Variants in C8orf34 observed in about 807,000 individuals in gnomAD.
The protein encoded by C8orf34 is chromosome 8 open reading frame 34.
A neutral mutation model predicts 68.3 loss-of-function variants in C8orf34; 65 were observed. The observed-to-expected ratio is 0.95, with a 90% CI of 0.78 to 1.17. C8orf34 has a LOEUF of 1.17. C8orf34 is among the 50% of genes most tolerant of loss of function. The pLI is 0.00. For missense variants in C8orf34, 664 were observed against 655.4 expected, an observed-to-expected ratio of 1.01 and a Z score of -0.14; for synonymous variants, 244 against 241.2, an observed-to-expected ratio of 1.01 and a Z score of -0.11.
At chr8:68,778,278 T>C (rs1277974269) in intron 11 of C8orf34, among the ~76,000 whole-genome samples, 5 of 152,212 alleles carry the variant, frequency 3.3e-5, no homozygotes, top group African/African-American at 1.2e-4. Flanking sequence ...ATAGTATTTA[T>C]AAATGTTAGA....
chr8:68,805,876 CTTTATAT>C lies in C8orf34; in HGVS notation c.1550-10004_1550-9998del, dbSNP rs1032076913. ...TACTATATTACCAACTTACTTTATA[CTTTATAT>C]TTTATTTTCTCCACTATATTATGTT... On this transcript the variant is annotated intron_variant, in intron 12 of 13. Coordinates refer to ENST00000518698, the MANE Select transcript of C8orf34 (RefSeq NM_052958.4). 1.2e-4 allele frequency among the ~76,000 whole-genome samples: 19 copies of C among 152,080 alleles called. No individual in the cohort carries two copies. The East Asian group carries it at 3.7e-3, about 29-fold the overall frequency.
rs1330443804 is a variant in C8orf34, at chr8:68,535,542, G to A, written c.1105+2393G>A. ...AAAAATCCTTTTAGTTGAACTAGTA[G>A]AAGTTAGTAATAACTATTGACTCTT... is the stretch of plus-strand genomic sequence containing the variant. On this transcript the variant is annotated intron_variant, in intron 7 of 13. Transcript: ENST00000518698. 7.8e-6 allele frequency: 7 copies of A among 895,180 alleles called. No homozygotes were observed. The African/African-American group carries it at 1.3e-4, about 16-fold the overall frequency. 55.5% of individuals were successfully genotyped at this position (895,180 alleles called of 1,614,324 possible). A position where few individuals can be genotyped will look rare whatever the true frequency, so the allele number is the denominator to read the frequency against.
intron 3 of C8orf34, among the ~76,000 whole-genome samples, chr8:68,453,493 T>C (rs1239198196): frequency 6.6e-6 from 1 of 152,046 alleles, no homozygotes; most frequent in African/African-American, 2.4e-5. Context: ...GGCATGTCCT[T>C]GGTTAAATTT....
At chr8:68,643,405 T>C (rs562899691) in intron 8 of C8orf34, among the ~76,000 whole-genome samples, 1 of 152,322 alleles carries the variant, frequency 6.6e-6, no homozygotes, top group South Asian at 2.1e-4. Context: ...TGTGTCCACA[T>C]AATGCTTTGA....
intron 7 of C8orf34, among the ~76,000 whole-genome samples, chr8:68,592,593 C>CTTTTT (rs1444802100): frequency 1.7e-5 from 2 of 116,802 alleles, no homozygotes; most frequent in African/African-American, 3.3e-5. Context: ...CAATTTATCT[C>CTTTTT]TTCTTTTTTT....
chr8:68,498,928 CT>C (rs1563487919), intron 5 of C8orf34, among the ~76,000 whole-genome samples: 2 of 152,098 alleles, frequency 1.3e-5, no homozygotes, highest in Non-Finnish European at 2.9e-5. Context: ...TCTGGAATAT[CT>C]TTTTTTAAAA....
chr8:68,716,007 C>T (rs923436141), intron 9 of C8orf34, among the ~76,000 whole-genome samples: 1 of 152,042 alleles, frequency 6.6e-6, no homozygotes, highest in Non-Finnish European at 1.5e-5. Context: ...AAAATAATGA[C>T]ATTTACAGCA....
chr8:68,380,055 T>A (rs1440364675), intron 1 of C8orf34, among the ~76,000 whole-genome samples: 1 of 152,150 alleles, frequency 6.6e-6, no homozygotes, highest in African/African-American at 2.4e-5. Flanking sequence ...AGAGATAGGA[T>A]CTCCCCGTGT....
At chr8:68,534,858 C>A in intron 7 of C8orf34, 1 of 985,184 alleles carries the variant, frequency 1.0e-6, no homozygotes, top group Non-Finnish European at 1.2e-6. Flanking sequence ...AGCTGAAGAC[C>A]GAGGATTGAG....
chr8:68,362,615 C>T (rs1416682187), intron 1 of C8orf34, among the ~76,000 whole-genome samples: 1 of 152,154 alleles, frequency 6.6e-6, no homozygotes, highest in Non-Finnish European at 1.5e-5. Context: ...AACTGGGAGG[C>T]ACCCCCCAGC....
At chr8:68,567,147 G>A (rs190794472) in intron 7 of C8orf34, among the ~76,000 whole-genome samples, 72 of 152,274 alleles carry the variant, frequency 4.7e-4, no homozygotes, top group African/African-American at 1.6e-3. Context: ...TTCATACAAC[G>A]ATTTAGGGAG....
chr8:68,545,262 G>A (rs906112053), intron 7 of C8orf34, among the ~76,000 whole-genome samples: 1 of 151,996 alleles, frequency 6.6e-6, no homozygotes, highest in Non-Finnish European at 1.5e-5. Context: ...CTTTCACTTG[G>A]CTCTCATTCT....
At chr8:68,483,209 A>T (rs117211942) in intron 4 of C8orf34, among the ~76,000 whole-genome samples, 4 of 152,306 alleles carry the variant, frequency 2.6e-5, no homozygotes, top group Non-Finnish European at 5.9e-5. Flanking sequence ...CGCTTATAGG[A>T]GGCAACTCAA....
At chr8:68,523,111 A>T (rs1181365475) in intron 6 of C8orf34, among the ~76,000 whole-genome samples, 1 of 152,206 alleles carries the variant, frequency 6.6e-6, no homozygotes, top group Non-Finnish European at 1.5e-5. Flanking sequence ...TTATTTAAAT[A>T]GTTGAAGTGT....
At chr8:68,594,321 C>T (rs1817480270) in intron 7 of C8orf34, among the ~76,000 whole-genome samples, 1 of 152,002 alleles carries the variant, frequency 6.6e-6, no homozygotes, top group African/African-American at 2.4e-5. Context: ...AGGTTAGATC[C>T]ATATATGGGA....
chr8:68,372,391 A>G lies in C8orf34; in HGVS notation c.327+41052A>G, dbSNP rs1563385584. Among the ~76,000 whole-genome samples the G allele has an allele frequency of 3.9e-5, 6 of 152,300 alleles. No individual in the cohort carries two copies. In the South Asian group the frequency reaches 1.2e-3, roughly 32 times the overall value. On this transcript the variant is annotated intron_variant, in intron 1 of 13. Coordinates refer to ENST00000518698, the MANE Select transcript of C8orf34 (RefSeq NM_052958.4). Reference sequence around the variant, plus strand: ...GTCAGAACTTAAATCTCAGAGACCCAGTCCCTCCTGCTGAGAAGAAAGCTT... The same window carrying G: ...GTCAGAACTTAAATCTCAGAGACCCGGTCCCTCCTGCTGAGAAGAAAGCTT...
At chr8:68,504,762 C>G (rs1185532501) in intron 5 of C8orf34, among the ~76,000 whole-genome samples, 1 of 151,908 alleles carries the variant, frequency 6.6e-6, no homozygotes, top group Non-Finnish European at 1.5e-5. Flanking sequence ...TCACTGCAAC[C>G]TCCACCTTCT....
At chr8:68,411,559 C>T (rs1238207874) in intron 1 of C8orf34, among the ~76,000 whole-genome samples, 2 of 152,106 alleles carry the variant, frequency 1.3e-5, no homozygotes, top group African/African-American at 2.4e-5. Context: ...TGTGTATTGT[C>T]CATTGAATAA....
At chr8:68,812,926 G>C (rs1025883853) in intron 12 of C8orf34, among the ~76,000 whole-genome samples, 1 of 152,120 alleles carries the variant, frequency 6.6e-6, no homozygotes, top group African/African-American at 2.4e-5. Context: ...TGTGTTTAAT[G>C]ACATATCATA....
Sources: allele counts gnomAD v4.1 joint callset (sites outside exome capture counted in the v4.1 genomes callset), GRCh38; gene constraint gnomAD v4.1.1; transcripts MANE v1.5; gene names NCBI Gene and HGNC (gene_info 2026-07-23, HGNC 2026-07-21).